Variants in CCNY observed in about 807,000 individuals in gnomAD.
The protein encoded by CCNY is cyclin Y.
CCNY carries 19 observed loss-of-function variants against 42.8 expected under a neutral mutation model. That is an observed-to-expected ratio of 0.44 (90% CI 0.31 to 0.65). The LOEUF (loss-of-function observed/expected upper bound fraction) is 0.65, where lower values mean the gene tolerates loss of function less well. CCNY is among the 30% of genes least tolerant of loss of function. The probability of loss-of-function intolerance (pLI) is 0.07; values close to 1 mark genes in which losing one functional copy is unlikely to be tolerated. For missense variants in CCNY, 370 were observed against 437.3 expected, an observed-to-expected ratio of 0.85 and a Z score of 1.37; for synonymous variants, 165 against 162.7, an observed-to-expected ratio of 1.01 and a Z score of -0.11.
At chr10:35,447,093 C>A (rs1193355554) in intron 1 of CCNY, among the ~76,000 whole-genome samples, 1 of 152,116 alleles carries the variant, frequency 6.6e-6, no homozygotes, top group Non-Finnish European at 1.5e-5. Flanking sequence ...CTGGCTAATA[C>A]GGTGAAACCC....
At chr10:35,550,830 C>G (rs1311145037) in intron 7 of CCNY, among the ~76,000 whole-genome samples, 4 of 152,154 alleles carry the variant, frequency 2.6e-5, no homozygotes, top group Non-Finnish European at 5.9e-5. Flanking sequence ...TGGAAGGGGC[C>G]CTCCAGTCTC....
At chr10:35,452,412 C>T (rs903808497) in intron 1 of CCNY, among the ~76,000 whole-genome samples, 3 of 152,174 alleles carry the variant, frequency 2.0e-5, no homozygotes, top group Non-Finnish European at 4.4e-5. Context: ...TTCTTAGTTC[C>T]TGTCAGATCA....
At chr10:35,412,859 T>TG (rs1428641806) in intron 1 of CCNY, among the ~76,000 whole-genome samples, 4 of 38,856 alleles carry the variant, frequency 1.0e-4, no homozygotes, top group Non-Finnish European at 1.6e-4. Context: ...AGACTCTGTC[T>TG]CAAAAAAAAA....
chr10:35,516,512 T>G lies in CCNY; in HGVS notation c.265-11T>G. Reference sequence around the variant, plus strand: ...TGTAATTGCCTTAATCTTCTTGCTGTTGTTTTCTAGCATCCTCCAGGACAA... The same window carrying G: ...TGTAATTGCCTTAATCTTCTTGCTGGTGTTTTCTAGCATCCTCCAGGACAA... On this transcript the variant is annotated splice_polypyrimidine_tract_variant and intron_variant, in intron 3 of 9. Coordinates refer to ENST00000374704, the MANE Select transcript of CCNY (RefSeq NM_145012.6). 6.3e-7 allele frequency: 1 copy of G among 1,596,656 alleles called. No individual in the cohort carries two copies. Among genetic ancestry groups the G allele is most frequent in the Non-Finnish European group, 8.6e-7 (1 of 1,164,346 alleles).
intron 3 of CCNY, among the ~76,000 whole-genome samples, chr10:35,288,255 CTA>C (rs1328607385): frequency 3.9e-5 from 6 of 152,054 alleles, no homozygotes; most frequent in Non-Finnish European, 7.4e-5. Context: ...TATATGTTCT[CTA>C]AATTTTATCT....
At chr10:35,333,114 C>A (rs1835965594), upstream of CCNY, among the ~76,000 whole-genome samples, 1 of 151,908 alleles carries the variant, frequency 6.6e-6, no homozygotes, top group South Asian at 2.1e-4. Context: ...TCATAGCTCA[C>A]TGCAGCCTCC....
chr10:35,399,088 C>G (rs1162762735), intron 1 of CCNY, among the ~76,000 whole-genome samples: 1 of 152,240 alleles, frequency 6.6e-6, no homozygotes, highest in Admixed American at 6.5e-5. Flanking sequence ...GAGAACCCAA[C>G]TGACTTGAAA....
At chr10:35,311,697 A>T (rs1835686070) in intron 3 of CCNY, among the ~76,000 whole-genome samples, 1 of 142,266 alleles carries the variant, frequency 7.0e-6, no homozygotes, top group African/African-American at 2.6e-5. Flanking sequence ...CCCAAAAAAA[A>T]GTTTTTGGCT....
intron 1 of CCNY, among the ~76,000 whole-genome samples, chr10:35,386,182 T>C (rs186191000): frequency 2.0e-5 from 3 of 152,240 alleles, no homozygotes; most frequent in Non-Finnish European, 4.4e-5. Flanking sequence ...TGTTGAGAAG[T>C]CATACATTAC....
intron 1 of CCNY, among the ~76,000 whole-genome samples, chr10:35,377,714 T>C (rs1002116349): frequency 6.6e-6 from 1 of 152,246 alleles, no homozygotes; most frequent in Non-Finnish European, 1.5e-5. Flanking sequence ...TTAAAACTTG[T>C]AATAAAAATA....
chr10:35,289,016 C>G (rs1242449461), intron 3 of CCNY, among the ~76,000 whole-genome samples: 2 of 152,110 alleles, frequency 1.3e-5, no homozygotes, highest in African/African-American at 2.4e-5. Context: ...TGTACTGAAT[C>G]TTTACATTGA....
chr10:35,539,925 T>G (rs7097147), intron 7 of CCNY, among the ~76,000 whole-genome samples: 3,492 of 152,356 alleles, frequency 0.023, 128 homozygotes, highest in African/African-American at 0.079. Context: ...TAGATTGATC[T>G]TGTACCCTGC....
intron 4 of CCNY, among the ~76,000 whole-genome samples, chr10:35,524,208 A>G (rs1248851697): frequency 6.6e-6 from 1 of 152,192 alleles, no homozygotes; most frequent in African/African-American, 2.4e-5. Context: ...TTCTTGCAGG[A>G]CTGTTAACAT....
intron 7 of CCNY, among the ~76,000 whole-genome samples, chr10:35,544,044 G>A (rs1841060513): frequency 6.6e-6 from 1 of 152,174 alleles, no homozygotes; most frequent in African/African-American, 2.4e-5. Context: ...AGAGTCCAAA[G>A]TTTAAAAAAT....
intron 1 of CCNY, among the ~76,000 whole-genome samples, chr10:35,448,914 G>A (rs1838852538): frequency 6.6e-6 from 1 of 152,090 alleles, no homozygotes; most frequent in African/African-American, 2.4e-5. Flanking sequence ...GTGTGGGTTA[G>A]ACCCTGAGGC....
intron 1 of CCNY, among the ~76,000 whole-genome samples, chr10:35,406,201 T>TTTTTTTTA (rs1837760116): frequency 1.6e-5 from 2 of 124,370 alleles, no homozygotes; most frequent in African/African-American, 3.2e-5. Context: ...TTCTTTTTTA[T>TTTTTTTTA]TTTATTTATT....
intron 3 of CCNY, among the ~76,000 whole-genome samples, chr10:35,290,125 C>G (rs1469306499): frequency 1.3e-5 from 2 of 151,674 alleles, no homozygotes; most frequent in Non-Finnish European, 2.9e-5. Flanking sequence ...ACTCGGCGGG[C>G]TGAGGCAGGA....
At chr10:35,452,650 A>C (rs1272575547) in intron 1 of CCNY, among the ~76,000 whole-genome samples, 3 of 152,172 alleles carry the variant, frequency 2.0e-5, no homozygotes, top group African/African-American at 7.2e-5. Context: ...TGAGGTTGGA[A>C]ATTTAATGAT....
chr10:35,475,536 G>C lies in CCNY; in HGVS notation c.155-7868G>C, dbSNP rs1454240168. Reference sequence around the variant, plus strand: ...ACCCAGAATTTCATATCCAGCCAAAGTAAGCTTCATAAGTGAAGGAGAAAT... The same window carrying C: ...ACCCAGAATTTCATATCCAGCCAAACTAAGCTTCATAAGTGAAGGAGAAAT... On this transcript the variant is annotated intron_variant, in intron 1 of 9. Coordinates refer to ENST00000374704, the MANE Select transcript of CCNY (RefSeq NM_145012.6). Among the ~76,000 whole-genome samples, 7 of 150,970 alleles carry C rather than the reference G, an allele frequency of 4.6e-5. No homozygotes were observed. The East Asian group carries it at 7.7e-4, about 17-fold the overall frequency.
Sources: gnomAD v4.1 joint callset for allele counts (sites outside exome capture counted in the v4.1 genomes callset) on GRCh38, gnomAD v4.1.1 for gene constraint, MANE v1.5 for transcripts, NCBI Gene and HGNC (gene_info 2026-07-23, HGNC 2026-07-21) for gene names.